ZNF419: variants seen among roughly 807,000 people sequenced by gnomAD.
The protein encoded by ZNF419 is zinc finger protein 419A.
Under a neutral mutation model 14.9 loss-of-function variants are expected in ZNF419, and 8 were observed. The observed-to-expected ratio is 0.54, with a 90% CI of 0.32 to 0.97. ZNF419 has a LOEUF of 0.97. Among genes scored for constraint, ZNF419 ranks in the 50% least tolerant of loss-of-function variants. The pLI is 0.04. For missense variants in ZNF419, 595 were observed against 607.2 expected (o/e 0.98, Z 0.21); for synonymous variants, 211 against 205.3 (o/e 1.03, Z -0.24).
chr19:57,489,907 A>G (rs1487202604), intron 1 of ZNF419: 3 of 526,716 alleles, frequency 5.7e-6, no homozygotes, highest in Non-Finnish European at 6.9e-6. Flanking sequence ...AATGAGTTTG[A>G]TACAAACAAT....
chr19:57,492,280 G>C (rs774515452), intron 4 of ZNF419, 69 bp downstream of exon 4: 1 of 1,517,262 alleles, frequency 6.6e-7, no homozygotes. Context: ...AGTAGGCCCA[G>C]ATATTTTGAT....
chr19:57,493,878 A>G lies in ZNF419; in HGVS notation c.1321A>G (p.Thr441Ala). ...TGGGAAATTTTTTAGCCAAAGCTCA[A>G]CCCTCATGCAACATCGAAAAGTTCA... Reference protein sequence around the residue: ...ECGKFFSQSSTLMQHRKVHIG... With the variant: ...ECGKFFSQSSALMQHRKVHIG... The change falls in exon 5 of 5, where the codon ACC becomes GCC. Residue 441 changes from threonine to alanine, a missense_variant. Physicochemically the swap from Thr to Ala is moderately conservative, Grantham distance 58 (BLOSUM62 0). Coordinates refer to ENST00000221735, the MANE Select transcript of ZNF419 (RefSeq NM_024691.4). The G allele has an allele frequency of 1.2e-6, 2 of 1,613,966 alleles. No homozygotes were observed. Among genetic ancestry groups the G allele is most frequent in the Non-Finnish European group, 1.7e-6 (2 of 1,179,940 alleles).
At position 57,495,390 on chromosome 19, in the gene ZNF419, A is replaced by G. The variant is rs915965463; in HGVS notation, c.*1300A>G. ...CCATTTGTTATTTTATTCATTGTGCATTTGGTGTTGCATCCTCTTACTATA... is the reference window on the plus strand; with the variant it reads ...CCATTTGTTATTTTATTCATTGTGCGTTTGGTGTTGCATCCTCTTACTATA... On this transcript the variant is annotated 3_prime_UTR_variant, in exon 5 of 5. Coordinates refer to ENST00000221735, the MANE Select transcript of ZNF419 (RefSeq NM_024691.4). The G allele has an allele frequency of 1.3e-4, 19 of 151,828 alleles. No homozygotes were observed. The highest frequency in any genetic ancestry group is 4.1e-4 in the African/African-American group (17 of 41,362). The allele number at this position is 151,828 out of a possible 1,614,324, so 9.4% of individuals were successfully genotyped here.
Position 57,489,842 on chromosome 19 carries a change from A to C in ZNF419, c.34-305A>C, listed in dbSNP as rs376173220. ...GTTTATTTGCGCTGAAAATGTTGAC[A>C]GAAGCATTAATTATGTGTACAGTAA... is the stretch of plus-strand genomic sequence containing the variant. On this transcript the variant is annotated intron_variant, in intron 1 of 4. Transcript: ENST00000221735. 218 of 266,612 alleles carry C rather than the reference A, an allele frequency of 8.2e-4. 1 individual carries two copies. Among genetic ancestry groups the C allele is most frequent in the African/African-American group, 4.5e-3 (202 of 45,014 alleles). The allele number at this position is 266,612 out of a possible 1,614,324, so 16.5% of individuals were successfully genotyped here.
chr19:57,492,312 T>G (rs572501658), intron 4 of ZNF419, 101 bp downstream of exon 4: 1 of 1,318,826 alleles, frequency 7.6e-7, no homozygotes, highest in East Asian at 2.3e-5. Context: ...GGGTTGTCGC[T>G]GATTTCTATC....
At chr19:57,490,225 C>G in intron 2 of ZNF419, 40 bp downstream of exon 2, 1 of 1,595,998 alleles carries the variant, frequency 6.3e-7, no homozygotes, top group Non-Finnish European at 8.6e-7. Context: ...CTCCTGCACT[C>G]CTACCTACAT....
At chr19:57,488,408 C>T in intron 1 of ZNF419, 1 of 201,258 alleles carries the variant, frequency 5.0e-6, no homozygotes, top group Non-Finnish European at 1.0e-5. Flanking sequence ...TAGGTAAATT[C>T]AGTAGACTAG....
chr19:57,492,101 C>T lies in ZNF419; in HGVS notation c.200-12C>T, dbSNP rs1457745570. 1.2e-6 allele frequency: 2 copies of T among 1,602,366 alleles called. No homozygotes were observed. Among genetic ancestry groups the T allele is most frequent in the African/African-American group, 1.4e-5 (1 of 73,942 alleles). On this transcript the variant is annotated splice_polypyrimidine_tract_variant and intron_variant, in intron 3 of 4. Transcript: ENST00000221735. ...TGGCTCAGTGCTGCCACTCACCTGT[C>T]GTTTTCCTTAGGACTTGCATCTTCC...
Position 57,490,129 on chromosome 19 carries a change from A to T in ZNF419, c.34-18A>T, listed in dbSNP as rs145074554. 3.7e-6 allele frequency: 6 copies of T among 1,612,570 alleles called. No individual in the cohort carries two copies. In the Admixed American group the frequency reaches 1.0e-4, roughly 27 times the overall value. On this transcript the variant is annotated intron_variant, in intron 1 of 4. Coordinates refer to ENST00000221735, the MANE Select transcript of ZNF419 (RefSeq NM_024691.4). ...GGCAACATCACTGTCTGGTTCTCAT[A>T]GTCTTGATTTTCCATAGGTTCCTGT... is the stretch of plus-strand genomic sequence containing the variant.
chr19:57,491,180 T>G, intron 2 of ZNF419: 1 of 455,530 alleles, frequency 2.2e-6, no homozygotes, highest in Non-Finnish European at 4.0e-6. Context: ...GACACAAATT[T>G]GATTGTATTT....
In ZNF419 at chr19:57,492,155, C is replaced by T. The variant is rs1233145097; in HGVS notation, c.242C>T (p.Ser81Leu). ...SKTHEITQLE[S>L]WEEPFMPAWE... ...ACCCATGAAATAACCCAGCTGGAGT[C>T]ATGGGAGGAGCCCTTCATGCCTGCT... Residue 81 changes from serine to leucine, a missense_variant, in exon 4 of 5, where the codon TCA becomes TTA. By Grantham distance (145) the Ser-to-Leu change is moderately radical (BLOSUM62 -2). Coordinates refer to ENST00000221735, the MANE Select transcript of ZNF419 (RefSeq NM_024691.4). 6.2e-7 allele frequency: 1 copy of T among 1,613,650 alleles called. No individual in the cohort carries two copies. Among genetic ancestry groups the T allele is most frequent in the Non-Finnish European group, 8.5e-7 (1 of 1,179,966 alleles).
At chr19:57,492,279 A>G (rs1374116534) in intron 4 of ZNF419, 68 bp downstream of exon 4, 9 of 1,536,470 alleles carry the variant, frequency 5.9e-6, no homozygotes, top group Non-Finnish European at 7.2e-6. Context: ...CAGTAGGCCC[A>G]GATATTTTGA....
In ZNF419 at chr19:57,492,939, C is replaced by T; in HGVS notation, c.382C>T (p.Gln128Ter). The change falls in exon 5 of 5, where the codon CAG (glutamine) becomes TAG (stop). Residue 128 changes from glutamine (Q) to a stop codon, truncating the protein, a stop_gained. Transcript: ENST00000221735. LOFTEE classifies it low-confidence loss of function (END_TRUNC). ...GLLSSNIQQH[Q>*]KQHCGEKPLK... Reference sequence around the variant, plus strand: ...GCTCAGTTCAAACATTCAGCAACACCAGAAGCAGCACTGTGGAGAGAAACC... The same window carrying T: ...GCTCAGTTCAAACATTCAGCAACACTAGAAGCAGCACTGTGGAGAGAAACC... 6.2e-7 allele frequency: 1 copy of T among 1,614,212 alleles called. No homozygotes were observed. The highest frequency in any genetic ancestry group is 8.5e-7 in the Non-Finnish European group (1 of 1,180,044).
At chr19:57,490,769 A>G (rs1367626600) in intron 2 of ZNF419, 1 of 155,008 alleles carries the variant, frequency 6.5e-6, no homozygotes, top group African/African-American at 2.4e-5. Context: ...GAATGCTTAG[A>G]CAACCTCAGA....
At chr19:57,491,735 A>T in intron 3 of ZNF419, 138 bp downstream of exon 3, 1 of 1,241,508 alleles carries the variant, frequency 8.1e-7, no homozygotes, top group Admixed American at 2.0e-5. Context: ...AGCTATTGTA[A>T]TAGGCCTGGG....
chr19:57,491,084 G>A (rs1210932381), intron 2 of ZNF419: 1 of 220,122 alleles, frequency 4.5e-6, no homozygotes, highest in Non-Finnish European at 9.2e-6. Context: ...AGAGGGTAGT[G>A]GTTGTGGTAC....
chr19:57,493,459 C>T lies in ZNF419; in HGVS notation c.902C>T (p.Thr301Ile), dbSNP rs1164707501. The change falls in exon 5 of 5, where the codon ACA (threonine) becomes ATA (isoleucine). Residue 301 changes from threonine to isoleucine, a missense_variant. Thr to Ile is a moderately conservative substitution (Grantham distance 89). Coordinates refer to ENST00000221735, the MANE Select transcript of ZNF419 (RefSeq NM_024691.4). ...GGAAAAGCTTTCAGGCATAATTCCA[C>T]ACTTGTTCAGCATCACAAAATCCAC... ...ECGKAFRHNS[T>I]LVQHHKIHTG... 3.1e-6 allele frequency: 5 copies of T among 1,613,774 alleles called. No individual in the cohort carries two copies. The highest frequency in any genetic ancestry group is 3.4e-6 in the Non-Finnish European group (4 of 1,180,012).
At chr19:57,491,082 G>T in intron 2 of ZNF419, 1 of 219,234 alleles carries the variant, frequency 4.6e-6, no homozygotes, top group Non-Finnish European at 9.3e-6. Flanking sequence ...GTAGAGGGTA[G>T]TGGTTGTGGT....
Position 57,493,630 on chromosome 19 carries a change from T to C in ZNF419, c.1073T>C (p.Leu358Pro). Reference sequence around the variant, plus strand: ...AAATTCTATAGCCACAAGTCCAACCTTATCAAACATTGGCGTGTTCATACT... The same window carrying C: ...AAATTCTATAGCCACAAGTCCAACCCTATCAAACATTGGCGTGTTCATACT... ...CGKFYSHKSN[L>P]IKHWRVHTGE... Residue 358 changes from leucine to proline, a missense_variant, in exon 5 of 5, where the codon CTT becomes CCT. Coordinates refer to ENST00000221735, the MANE Select transcript of ZNF419 (RefSeq NM_024691.4). 1 of 1,614,142 alleles carries C rather than the reference T, an allele frequency of 6.2e-7. No individual in the cohort carries two copies. Among genetic ancestry groups the C allele is most frequent in the Non-Finnish European group, 8.5e-7 (1 of 1,179,964 alleles).
Sources: allele counts gnomAD v4.1 joint callset, GRCh38; gene constraint gnomAD v4.1.1; transcripts MANE v1.5; gene names NCBI Gene and HGNC (gene_info 2026-07-23, HGNC 2026-07-21).